Variants in NRXN3 observed in about 807,000 individuals in gnomAD.
NRXN3 encodes neurexin 3.
In NRXN3, 32 loss-of-function variants were observed where a neutral mutation model predicts 137.6. That is an observed-to-expected ratio of 0.23 (90% CI 0.18 to 0.31). NRXN3 has a LOEUF of 0.31. Among genes scored for constraint, NRXN3 ranks in the 10% least tolerant of loss-of-function variants. The pLI is 1.00. For missense variants in NRXN3, 1,574 were observed against 2,062.5 expected, an observed-to-expected ratio of 0.76 and a Z score of 4.59; for synonymous variants, 798 against 784.5, an observed-to-expected ratio of 1.02 and a Z score of -0.29.
chr14:78,889,420 T>C (rs1397962695), intron 10 of NRXN3, among the ~76,000 whole-genome samples: 1 of 151,996 alleles, frequency 6.6e-6, no homozygotes. Context: ...CCTTATTTCC[T>C]TTGCACTTGA....
chr14:79,433,588 A>G (rs2095798275), intron 15 of NRXN3, among the ~76,000 whole-genome samples: 1 of 152,198 alleles, frequency 6.6e-6, no homozygotes, highest in African/African-American at 2.4e-5. Flanking sequence ...TGAAAAAGAA[A>G]AAAACTCACC....
intron 1 of NRXN3, among the ~76,000 whole-genome samples, chr14:78,212,293 C>G (rs1374146841): frequency 6.6e-6 from 1 of 152,032 alleles, no homozygotes; most frequent in African/African-American, 2.4e-5. Flanking sequence ...GATGAAGGTG[C>G]CTTCCTCTAC....
At chr14:79,131,775 G>C (rs2152963943) in intron 15 of NRXN3, among the ~76,000 whole-genome samples, 1 of 152,310 alleles carries the variant, frequency 6.6e-6, no homozygotes, top group Non-Finnish European at 1.5e-5. Flanking sequence ...CCCTCCCCCA[G>C]CCTTGCTGCC....
At chr14:79,427,363 T>C (rs2095669488) in intron 15 of NRXN3, among the ~76,000 whole-genome samples, 1 of 152,170 alleles carries the variant, frequency 6.6e-6, no homozygotes, top group African/African-American at 2.4e-5. Flanking sequence ...TGTCTTTTTA[T>C]GTGGTAAATG....
At chr14:79,264,641 C>A (rs1181597937) in intron 15 of NRXN3, among the ~76,000 whole-genome samples, 1 of 151,538 alleles carries the variant, frequency 6.6e-6, no homozygotes, top group African/African-American at 2.4e-5. Flanking sequence ...AGTGCCTCAC[C>A]CTTATGACCT....
At chr14:79,089,498 C>T (rs748449235) in intron 15 of NRXN3, among the ~76,000 whole-genome samples, 3 of 152,128 alleles carry the variant, frequency 2.0e-5, no homozygotes, top group Non-Finnish European at 4.4e-5. Flanking sequence ...TATCTTTCTT[C>T]CTTGTTCAAC....
intron 15 of NRXN3, among the ~76,000 whole-genome samples, chr14:78,993,294 A>G (rs2099522719): frequency 6.6e-6 from 1 of 152,178 alleles, no homozygotes; most frequent in Admixed American, 6.5e-5. Context: ...CAAGCAATGT[A>G]TGCATTACTC....
chr14:79,683,921 G>A (rs185025890), intron 17 of NRXN3, among the ~76,000 whole-genome samples: 7 of 152,216 alleles, frequency 4.6e-5, no homozygotes, highest in South Asian at 2.1e-4. Flanking sequence ...TCCTTCTACC[G>A]TGTTTTACTC....
intron 19 of NRXN3, among the ~76,000 whole-genome samples, chr14:79,765,118 A>G (rs925254895): frequency 6.6e-6 from 1 of 152,128 alleles, no homozygotes; most frequent in Non-Finnish European, 1.5e-5. Flanking sequence ...TAGTGTTTCC[A>G]TTTTATTATT....
At chr14:79,759,216 G>C (rs2099030121) in intron 19 of NRXN3, among the ~76,000 whole-genome samples, 1 of 147,862 alleles carries the variant, frequency 6.8e-6, no homozygotes, top group African/African-American at 2.7e-5. Flanking sequence ...TGTTATAACT[G>C]GGTAGTAAAC....
intron 10 of NRXN3, among the ~76,000 whole-genome samples, chr14:78,888,443 G>C (rs907554395): frequency 2.6e-5 from 4 of 151,732 alleles, no homozygotes; most frequent in African/African-American, 9.7e-5. Context: ...GGTTTGTTAG[G>C]GGGTAGTGTC....
chr14:79,554,128 T>C (rs531748440), intron 16 of NRXN3, among the ~76,000 whole-genome samples: 1 of 151,998 alleles, frequency 6.6e-6, no homozygotes, highest in South Asian at 2.1e-4. Flanking sequence ...AGGTTGGAAG[T>C]TGGGGAAATA....
chr14:78,387,686 A>T (rs1314254124), intron 4 of NRXN3, among the ~76,000 whole-genome samples: 1 of 152,188 alleles, frequency 6.6e-6, no homozygotes, highest in Non-Finnish European at 1.5e-5. Flanking sequence ...GCCATCTTCC[A>T]TCCGTATTCC....
chr14:78,914,738 G>A (rs941934459), intron 10 of NRXN3, among the ~76,000 whole-genome samples: 14 of 152,104 alleles, frequency 9.2e-5, no homozygotes, highest in Non-Finnish European at 2.9e-5. Flanking sequence ...CCATTTTGAG[G>A]ACTTTGGGTT....
intron 19 of NRXN3, among the ~76,000 whole-genome samples, chr14:79,770,546 G>A (rs982127049): frequency 6.8e-6 from 1 of 146,132 alleles, no homozygotes; most frequent in East Asian, 2.0e-4. Flanking sequence ...ACGAAATGAA[G>A]GCAGAAATAA....
intron 17 of NRXN3, among the ~76,000 whole-genome samples, chr14:79,680,785 T>C (rs1054971049): frequency 6.6e-6 from 1 of 152,266 alleles, no homozygotes; most frequent in South Asian, 2.1e-4. Flanking sequence ...CAAGTCTTAC[T>C]AGTAAATTCA....
At chr14:79,011,916 T>C (rs1445158125) in intron 15 of NRXN3, among the ~76,000 whole-genome samples, 5 of 152,202 alleles carry the variant, frequency 3.3e-5, no homozygotes, top group African/African-American at 9.6e-5. Flanking sequence ...GGAGAATAAA[T>C]AACATTATTC....
rs567927573 is a variant in NRXN3, at chr14:79,024,006, A to G, written c.3262+35865A>G. On this transcript the variant is annotated intron_variant, in intron 15 of 20. Coordinates refer to ENST00000335750, the MANE Select transcript of NRXN3 (RefSeq NM_001330195.2). ...ATTTATTTTATATTTTGCACTTCCT[A>G]AGAATCATTCCATGGAATCAATCCA... 5.9e-5 allele frequency among the ~76,000 whole-genome samples: 9 copies of G among 152,234 alleles called. No homozygotes were observed. The South Asian group carries it at 1.5e-3, about 25-fold the overall frequency.
chr14:78,487,953 A>G (rs933265411), intron 4 of NRXN3, among the ~76,000 whole-genome samples: 1 of 152,106 alleles, frequency 6.6e-6, no homozygotes, highest in African/African-American at 2.4e-5. Context: ...GGGCTGCCAT[A>G]GTAAAATAGC....
Sources: gnomAD v4.1 joint callset for allele counts (sites outside exome capture counted in the v4.1 genomes callset) on GRCh38, gnomAD v4.1.1 for gene constraint, MANE v1.5 for transcripts, NCBI Gene and HGNC (gene_info 2026-07-23, HGNC 2026-07-21) for gene names.